DACH2: variants seen among roughly 807,000 people sequenced by gnomAD.
DACH2 encodes dachshund homolog 2.
A neutral mutation model predicts 35.8 loss-of-function variants in DACH2; 17 were observed. The observed-to-expected ratio is 0.48, with a 90% confidence interval of 0.33 to 0.71. DACH2 has a LOEUF of 0.71. DACH2 is among the 30% of genes least tolerant of loss of function. The pLI is 0.02. For missense variants in DACH2, 469 were observed against 472.7 expected (o/e 0.99, Z 0.07); for synonymous variants, 195 against 177.3 (o/e 1.10, Z -0.79).
rs2042014873 is a variant in DACH2 at position 86,774,655 on chromosome X, C to T, written c.1240+34773C>T. 3.6e-5 allele frequency among the ~76,000 whole-genome samples: 4 copies of T among 111,950 alleles called. No individual in the cohort carries two copies. The South Asian group carries it at 1.5e-3, about 42-fold the overall frequency. The stretch of plus-strand genomic sequence containing the variant: ...TGAACACAATGGTTCGGATCCTTTA[C>T]ATAGTGCTTTCCCACTACAAGCTGC... On this transcript the variant is annotated intron_variant, in intron 7 of 11. Transcript: ENST00000373125.
intron 2 of DACH2, among the ~76,000 whole-genome samples, chrX:86,475,270 T>C (rs930577065): frequency 9.0e-6 from 1 of 111,455 alleles, no homozygotes; most frequent in East Asian, 2.8e-4. Flanking sequence ...AATCTGTAGA[T>C]TGCTTAGGGT....
intron 7 of DACH2, among the ~76,000 whole-genome samples, chrX:86,769,987 C>G (rs2147294162): frequency 9.5e-6 from 1 of 105,494 alleles, no homozygotes; most frequent in Non-Finnish European, 1.9e-5. Context: ...CATGGCAAGA[C>G]CCCTTCTCTA....
In DACH2 at chrX:86,148,471, G is replaced by A. The variant is rs943059703; in HGVS notation, c.-150G>A. Reference sequence around the variant, plus strand: ...TGCTCACTGTTTGTTGAGCTTGAGCGTGAGCCGGCTGCTGAAGACTTGCGA... The same window carrying A: ...TGCTCACTGTTTGTTGAGCTTGAGCATGAGCCGGCTGCTGAAGACTTGCGA... On this transcript the variant is annotated 5_prime_UTR_variant, in exon 1 of 12. In the 5' UTR this introduces an upstream ATG that the reference lacks. Coordinates refer to ENST00000373125, the MANE Select transcript of DACH2 (RefSeq NM_053281.3). 9 of 639,972 alleles carry A rather than the reference G, an allele frequency of 1.4e-5. No individual in the cohort carries two copies. In the African/African-American group the frequency reaches 1.6e-4, roughly 11 times the overall value. The allele number at this position is 639,972 out of a possible 1,213,427, so 52.7% of individuals were successfully genotyped here. A position where few individuals can be genotyped will look rare whatever the true frequency, so the allele number is the denominator to read the frequency against.
chrX:86,237,939 G>C (rs1372926072), intron 1 of DACH2, among the ~76,000 whole-genome samples: 1 of 111,921 alleles, frequency 8.9e-6, no homozygotes, highest in Non-Finnish European at 1.9e-5. Flanking sequence ...TCCTAGGTCT[G>C]GGCTCCCCGA....
intron 1 of DACH2, among the ~76,000 whole-genome samples, chrX:86,182,763 G>C (rs2031539307): frequency 1.8e-5 from 2 of 109,790 alleles, no homozygotes. Flanking sequence ...AAATTACTTT[G>C]GTCAGTATGG....
At chrX:86,160,970 C>A in intron 1 of DACH2, 1 of 852,441 alleles carries the variant, frequency 1.2e-6, no homozygotes, top group Admixed American at 2.2e-5. Flanking sequence ...GAGCCTCAAG[C>A]AGCGTGGTTC....
chrX:86,771,662 A>G (rs2041989019), intron 7 of DACH2, among the ~76,000 whole-genome samples: 1 of 112,045 alleles, frequency 8.9e-6, no homozygotes, highest in Admixed American at 9.5e-5. Context: ...CAGCGTTCAC[A>G]AAACTTGAAA....
chrX:86,350,121 TC>T (rs1369293368), intron 1 of DACH2, among the ~76,000 whole-genome samples: 1 of 112,335 alleles, frequency 8.9e-6, no homozygotes, highest in Non-Finnish European at 1.9e-5. Context: ...TGAGCCGAGA[TC>T]ACAACACTGC....
At chrX:86,444,494 ATTGGT>A (rs1176777588) in intron 2 of DACH2, among the ~76,000 whole-genome samples, 1 of 111,791 alleles carries the variant, frequency 8.9e-6, no homozygotes, top group East Asian at 2.8e-4. Context: ...CAAACTTATT[ATTGGT>A]TTGTTGAAAT....
chrX:86,316,183 ATCT>A (rs2034902455), intron 1 of DACH2, among the ~76,000 whole-genome samples: 1 of 109,631 alleles, frequency 9.1e-6, no homozygotes, highest in Non-Finnish European at 1.9e-5. Context: ...GTTCCCAGAC[ATCT>A]TCTTACAGCT....
intron 7 of DACH2, among the ~76,000 whole-genome samples, chrX:86,764,318 G>A (rs1007064113): frequency 9.0e-6 from 1 of 110,997 alleles, no homozygotes; most frequent in Non-Finnish European, 1.9e-5. Context: ...CCCAATGATC[G>A]CATCACCTAG....
At chrX:86,328,920 A>G (rs1418309487) in intron 1 of DACH2, among the ~76,000 whole-genome samples, 2 of 112,025 alleles carry the variant, frequency 1.8e-5, no homozygotes, top group Non-Finnish European at 3.8e-5. Context: ...TCTTATCTAC[A>G]TGCCTCATTT....
intron 1 of DACH2, among the ~76,000 whole-genome samples, chrX:86,348,869 C>A (rs1395129555): frequency 8.9e-6 from 1 of 112,455 alleles, no homozygotes; most frequent in Admixed American, 9.4e-5. Flanking sequence ...CTGCTCATAA[C>A]CCCTAGGGGG....
At chrX:86,630,084 TGCA>T (rs1475683047) in intron 3 of DACH2, among the ~76,000 whole-genome samples, 1 of 111,294 alleles carries the variant, frequency 9.0e-6, no homozygotes, top group African/African-American at 3.3e-5. Context: ...ATAGATTTAG[TGCA>T]GCATTTCTCA....
intron 1 of DACH2, among the ~76,000 whole-genome samples, chrX:86,290,562 C>T (rs1214457345): frequency 1.9e-4 from 20 of 108,003 alleles, no homozygotes; most frequent in Non-Finnish European, 3.4e-4. Context: ...TTAGGTCTGA[C>T]GTTTAAGTCT....
At chrX:86,780,808 G>A (rs2042082131) in intron 7 of DACH2, among the ~76,000 whole-genome samples, 1 of 111,590 alleles carries the variant, frequency 9.0e-6, no homozygotes. Flanking sequence ...GAAGCAAACA[G>A]GCTTGTTGGG....
intron 2 of DACH2, among the ~76,000 whole-genome samples, chrX:86,472,841 C>T (rs1472165158): frequency 9.0e-6 from 1 of 111,646 alleles, no homozygotes; most frequent in East Asian, 2.8e-4. Context: ...CATTAAATAT[C>T]GATAGATTAG....
chrX:86,548,107 T>C (rs1437034181), intron 3 of DACH2, among the ~76,000 whole-genome samples: 1 of 112,452 alleles, frequency 8.9e-6, no homozygotes, highest in East Asian at 2.8e-4. Flanking sequence ...TGAAATTGTT[T>C]TTTATTTTAT....
chrX:86,295,126 C>G (rs771283765), intron 1 of DACH2, among the ~76,000 whole-genome samples: 1 of 111,595 alleles, frequency 9.0e-6, no homozygotes, highest in Non-Finnish European at 1.9e-5. Context: ...TCTGATGCCC[C>G]GTTTTTTAAG....
Sources: gnomAD v4.1 joint callset for allele counts (sites outside exome capture counted in the v4.1 genomes callset) on GRCh38, gnomAD v4.1.1 for gene constraint, MANE v1.5 for transcripts, NCBI Gene and HGNC (gene_info 2026-07-23, HGNC 2026-07-21) for gene names.